EPHA3: variants seen among roughly 807,000 people sequenced by gnomAD.
EPHA3 encodes the protein EPH receptor A3.
A neutral mutation model predicts 107.1 loss-of-function variants in EPHA3; 42 were observed. The ratio of observed to expected loss-of-function variants is 0.39; its 90% CI spans 0.31 to 0.51. The LOEUF is 0.51. Ranked by LOEUF, EPHA3 falls within the 20% of genes least tolerant of loss-of-function variation. The pLI, the probability that EPHA3 is intolerant of heterozygous loss-of-function variation, is 0.78. For missense variants in EPHA3, 1,183 were observed against 1,211.2 expected (o/e 0.98, Z 0.35); for synonymous variants, 461 against 424.8 (o/e 1.09, Z -1.05).
At chr3:89,118,560 T>C (rs1707308166) in intron 1 of EPHA3, among the ~76,000 whole-genome samples, 1 of 151,974 alleles carries the variant, frequency 6.6e-6, no homozygotes, top group African/African-American at 2.4e-5. Flanking sequence ...GTAGGTTTAC[T>C]ACCCTAACCC....
chr3:89,297,690 C>T (rs1264804791), intron 3 of EPHA3, among the ~76,000 whole-genome samples: 1 of 152,026 alleles, frequency 6.6e-6, no homozygotes, highest in African/African-American at 2.4e-5. Flanking sequence ...TGCCACAAAC[C>T]TTTGGTTTGC....
intron 2 of EPHA3, among the ~76,000 whole-genome samples, chr3:89,134,024 A>AT (rs58260720): frequency 0.24 from 34,453 of 143,822 alleles, 4,039 homozygotes; most frequent in Middle Eastern, 0.3. Flanking sequence ...TCAAAACAAC[A>AT]TTTTTTTTTT....
At chr3:89,204,302 T>C (rs971062820) in intron 2 of EPHA3, among the ~76,000 whole-genome samples, 12 of 152,148 alleles carry the variant, frequency 7.9e-5, no homozygotes, top group Non-Finnish European at 4.4e-5. Context: ...TGGGTATGAA[T>C]AGTAGCCATT....
chr3:89,314,092 T>C (rs1191186083), intron 3 of EPHA3, among the ~76,000 whole-genome samples: 2 of 151,936 alleles, frequency 1.3e-5, no homozygotes, highest in Admixed American at 6.6e-5. Context: ...TTGGTTATAT[T>C]TGAGGTAGCT....
At position 89,395,878 on chromosome 3, in the gene EPHA3, A is replaced by G; in HGVS notation, c.1348A>G (p.Arg450Gly). The G allele has an allele frequency of 6.2e-7, 1 of 1,614,140 alleles. No homozygotes were observed. Among genetic ancestry groups the G allele is most frequent in the East Asian group, 2.2e-5 (1 of 44,872 alleles). ...VLTIKKDRTS[R>G]NSISLSWQEP... ...GACGATTAAGAAAGATCGGACCTCC[A>G]GAAATAGCATCTCTTTGTCCTGGCA... Residue 450 changes from arginine to glycine, a missense_variant, in exon 6 of 17, where the codon AGA (arginine) becomes GGA (glycine). Physicochemically the swap from Arg to Gly is moderately radical, Grantham distance 125. Coordinates refer to ENST00000336596, the MANE Select transcript of EPHA3 (RefSeq NM_005233.6).
intron 13 of EPHA3, among the ~76,000 whole-genome samples, chr3:89,439,237 C>T (rs1014984248): frequency 3.9e-5 from 6 of 152,138 alleles, no homozygotes; most frequent in Non-Finnish European, 8.8e-5. Context: ...GCCCACCTTG[C>T]AGGAAGACAA....
chr3:89,238,003 A>C (rs1704813456), intron 3 of EPHA3, among the ~76,000 whole-genome samples: 1 of 151,746 alleles, frequency 6.6e-6, no homozygotes. Context: ...AAAAGAGGAT[A>C]TGACTTTTAC....
chr3:89,135,943 T>C (rs1475171638), intron 2 of EPHA3, among the ~76,000 whole-genome samples: 2 of 152,166 alleles, frequency 1.3e-5, no homozygotes, highest in Non-Finnish European at 2.9e-5. Flanking sequence ...GTAATTACTT[T>C]TCTACTTTAC....
At position 89,481,322 on chromosome 3, in the gene EPHA3, A is replaced by G. The variant is rs541376131; in HGVS notation, c.*1820A>G. The G allele has an allele frequency of 8.6e-6, 2 of 232,244 alleles. No homozygotes were observed. Among genetic ancestry groups the G allele is most frequent in the South Asian group, 3.6e-4 (2 of 5,516 alleles). 14.4% of individuals were successfully genotyped at this position (232,244 alleles called of 1,614,324 possible). A position where few individuals can be genotyped will look rare whatever the true frequency, so the allele number is the denominator to read the frequency against. ...TTCCTTAGTCAAATCAGGCTACTAG[A>G]ATTCTGTATTGGATATATAAGAGCA... On this transcript the variant is annotated 3_prime_UTR_variant, in exon 17 of 17. Transcript: ENST00000336596.
intron 3 of EPHA3, among the ~76,000 whole-genome samples, chr3:89,340,712 T>TG (rs1707498820): frequency 6.6e-6 from 1 of 152,336 alleles, no homozygotes; most frequent in Admixed American, 6.5e-5. Context: ...TGTGTGTGTG[T>TG]TTTTCTTCTT....
intron 3 of EPHA3, among the ~76,000 whole-genome samples, chr3:89,290,880 T>C (rs1428267534): frequency 6.6e-6 from 1 of 152,168 alleles, no homozygotes; most frequent in Non-Finnish European, 1.5e-5. Flanking sequence ...TTGTTAGATG[T>C]AAGGTTATTA....
At chr3:89,387,268 T>C (rs1261571427) in intron 5 of EPHA3, among the ~76,000 whole-genome samples, 1 of 152,034 alleles carries the variant, frequency 6.6e-6, no homozygotes, top group Non-Finnish European at 1.5e-5. Context: ...GAACCATGGG[T>C]GGGAGGTAAT....
chr3:89,393,527 A>G (rs1708786163), intron 5 of EPHA3, among the ~76,000 whole-genome samples: 1 of 152,228 alleles, frequency 6.6e-6, no homozygotes, highest in African/African-American at 2.4e-5. Context: ...ACCACTAGGA[A>G]AAAATGAAAG....
chr3:89,380,151 A>C (rs576714356), intron 5 of EPHA3, among the ~76,000 whole-genome samples: 1 of 152,216 alleles, frequency 6.6e-6, no homozygotes, highest in Non-Finnish European at 1.5e-5. Context: ...CATATTAAAA[A>C]AATTTTGAAG....
chr3:89,254,822 T>A (rs1576267896), intron 3 of EPHA3, among the ~76,000 whole-genome samples: 1 of 152,340 alleles, frequency 6.6e-6, no homozygotes, highest in East Asian at 1.9e-4. Context: ...GAAGCTTCAG[T>A]GCCCATCAGA....
chr3:89,136,329 G>GTTTTTTTTTTTTTTT (rs1559747476), intron 2 of EPHA3, among the ~76,000 whole-genome samples: 31 of 23,856 alleles, frequency 1.3e-3, no homozygotes, highest in East Asian at 2.8e-3. Flanking sequence ...AATCTTACAG[G>GTTTTTTTTTTTTTTT]CTTTTTTTTT....
intron 15 of EPHA3, among the ~76,000 whole-genome samples, chr3:89,455,684 C>G (rs1417198808): frequency 6.6e-6 from 1 of 152,150 alleles, no homozygotes; most frequent in Non-Finnish European, 1.5e-5. Context: ...ACTTCTAGTT[C>G]CTTCAGAAAA....
rs541956867 is a variant in EPHA3, at chr3:89,372,720, CT to C, written c.1307-23116del. On this transcript the variant is annotated intron_variant, in intron 5 of 16. Coordinates refer to ENST00000336596, the MANE Select transcript of EPHA3 (RefSeq NM_005233.6). ...TAGTCATTCATTTGAACAGCTTAGT[CT>C]CTGTCTCCTACAGACTGTGGTTAAC... Among the ~76,000 whole-genome samples the C allele has an allele frequency of 1.5e-3, 224 of 151,870 alleles. 1 individual carries two copies. The highest frequency in any genetic ancestry group is 4.8e-3 in the African/African-American group (200 of 41,518).
At chr3:89,376,372 T>C (rs965623691) in intron 5 of EPHA3, among the ~76,000 whole-genome samples, 6 of 151,600 alleles carry the variant, frequency 4.0e-5, no homozygotes, top group Admixed American at 3.9e-4. Flanking sequence ...ACTAAAAGTG[T>C]ATATTTATAA....
Sources: allele counts gnomAD v4.1 joint callset (sites outside exome capture counted in the v4.1 genomes callset), GRCh38; gene constraint gnomAD v4.1.1; transcripts MANE v1.5; gene names NCBI Gene and HGNC (gene_info 2026-07-23, HGNC 2026-07-21).